CNTN3: variants seen among roughly 807,000 people sequenced by gnomAD.
CNTN3 encodes the protein contactin 3.
Under a neutral mutation model 119.1 loss-of-function variants are expected in CNTN3, and 60 were observed. The observed-to-expected ratio is 0.50, with a 90% CI of 0.41 to 0.62. The LOEUF (loss-of-function observed/expected upper bound fraction) is 0.62. CNTN3 is among the 20% of genes least tolerant of loss of function. The pLI is 0.00. For synonymous variants in CNTN3, 450 were observed against 438.7 expected, an observed-to-expected ratio of 1.03 and a Z score of -0.32; for missense variants, 1,101 against 1,242.4, an observed-to-expected ratio of 0.89 and a Z score of 1.71.
At chr3:74,541,960 G>C (rs1703848650) in intron 1 of CNTN3, among the ~76,000 whole-genome samples, 1 of 152,138 alleles carries the variant, frequency 6.6e-6, no homozygotes, top group Non-Finnish European at 1.5e-5. Flanking sequence ...TGGACTGGGT[G>C]CAGTGGCTCA....
At chr3:74,323,775 T>G (rs947533167) in intron 13 of CNTN3, among the ~76,000 whole-genome samples, 1 of 152,210 alleles carries the variant, frequency 6.6e-6, no homozygotes, top group Non-Finnish European at 1.5e-5. Context: ...CAAGATGTAC[T>G]CATGAACCTT....
intron 13 of CNTN3, among the ~76,000 whole-genome samples, chr3:74,333,750 C>T (rs1170691710): frequency 2.6e-5 from 4 of 151,584 alleles, no homozygotes; most frequent in African/African-American, 7.3e-5. Flanking sequence ...CTTTAAGTTG[C>T]ATATGATTTT....
At chr3:74,371,020 GCAT>G (rs1205357057) in intron 6 of CNTN3, among the ~76,000 whole-genome samples, 173 bp downstream of exon 6, 1 of 152,120 alleles carries the variant, frequency 6.6e-6, no homozygotes, top group East Asian at 1.9e-4. Flanking sequence ...TAAGAATTAT[GCAT>G]AAGGACTATG....
chr3:74,418,721 T>C (rs1431905733), intron 5 of CNTN3, among the ~76,000 whole-genome samples: 1 of 152,134 alleles, frequency 6.6e-6, no homozygotes, highest in East Asian at 1.9e-4. Context: ...ACACTACCTA[T>C]ACATACATTC....
At chr3:74,555,629 G>A (rs1229265058) in intron 1 of CNTN3, among the ~76,000 whole-genome samples, 2 of 152,106 alleles carry the variant, frequency 1.3e-5, no homozygotes, top group African/African-American at 4.8e-5. Context: ...CTTCTTCCTG[G>A]TTTAGTCTTG....
intron 6 of CNTN3, 130 bp from the exon 7 acceptor site, chr3:74,370,121 T>C: frequency 3.6e-6 from 2 of 555,238 alleles, no homozygotes; most frequent in South Asian, 2.7e-5. Flanking sequence ...AAATAAAATT[T>C]AGTCTATGCA....
chr3:74,471,974 GAATA>G (rs1272109087), intron 4 of CNTN3, among the ~76,000 whole-genome samples: 1 of 152,166 alleles, frequency 6.6e-6, no homozygotes, highest in African/African-American at 2.4e-5. Flanking sequence ...CCTGCTCACT[GAATA>G]AATGAATGAA....
chr3:74,573,133 C>T (rs1221891804), intron 1 of CNTN3, among the ~76,000 whole-genome samples: 1 of 152,184 alleles, frequency 6.6e-6, no homozygotes, highest in East Asian at 1.9e-4. Context: ...AGGGGACCCA[C>T]AGGAATCTAG....
intron 5 of CNTN3, among the ~76,000 whole-genome samples, chr3:74,383,497 G>GT (rs1032075225): frequency 3.3e-5 from 5 of 151,894 alleles, no homozygotes; most frequent in Non-Finnish European, 7.4e-5. Flanking sequence ...CTTTTCTTTT[G>GT]TTTTTTGAGA....
chr3:74,602,203 C>A (rs2106705285), intron 1 of CNTN3, among the ~76,000 whole-genome samples: 1 of 145,970 alleles, frequency 6.9e-6, no homozygotes, highest in East Asian at 2.1e-4. Context: ...GTAAGACGAT[C>A]ACTTGAGCCT....
At chr3:74,338,376 A>C (rs909552941) in intron 11 of CNTN3, among the ~76,000 whole-genome samples, 1 of 152,028 alleles carries the variant, frequency 6.6e-6, no homozygotes, top group South Asian at 2.1e-4. Flanking sequence ...TTTTATTTAT[A>C]TATGCATATG....
intron 22 of CNTN3, 95 bp from the exon 23 acceptor site, chr3:74,264,596 C>T: frequency 1.4e-6 from 1 of 706,882 alleles, no homozygotes. Context: ...CCCCCAAATT[C>T]TTTGTTGAAA....
chr3:74,357,204 G>A (rs1373964535), intron 11 of CNTN3, among the ~76,000 whole-genome samples: 1 of 152,048 alleles, frequency 6.6e-6, no homozygotes, highest in East Asian at 1.9e-4. Flanking sequence ...GGGATTACAG[G>A]TGTGAGCCAC....
chr3:74,462,314 G>C (rs1702385155), intron 4 of CNTN3, among the ~76,000 whole-genome samples: 1 of 151,842 alleles, frequency 6.6e-6, no homozygotes, highest in Non-Finnish European at 1.5e-5. Flanking sequence ...GTGAAATAAG[G>C]CTCAAATTCC....
chr3:74,331,005 T>G (rs573465016), intron 13 of CNTN3, among the ~76,000 whole-genome samples: 1 of 152,318 alleles, frequency 6.6e-6, no homozygotes, highest in African/African-American at 2.4e-5. Flanking sequence ...GTAAAAAAGT[T>G]ATGGTAAGCT....
At chr3:74,401,075 T>G (rs1446563132) in intron 5 of CNTN3, among the ~76,000 whole-genome samples, 1 of 152,202 alleles carries the variant, frequency 6.6e-6, no homozygotes. Flanking sequence ...TCAAGAGGGA[T>G]AAACTCGTGG....
chr3:74,296,652 C>T (rs1035339141), intron 18 of CNTN3, among the ~76,000 whole-genome samples: 3 of 152,272 alleles, frequency 2.0e-5, no homozygotes, highest in African/African-American at 7.2e-5. Flanking sequence ...TGATATATTT[C>T]GTGAGCTCAG....
At chr3:74,312,517 G>A (rs1702716373) in intron 13 of CNTN3, among the ~76,000 whole-genome samples, 1 of 150,566 alleles carries the variant, frequency 6.6e-6, no homozygotes, top group African/African-American at 2.5e-5. Flanking sequence ...TAATCTGCTG[G>A]GGTTTTCTAA....
chr3:74,321,643 C>T (rs566407879), intron 13 of CNTN3, among the ~76,000 whole-genome samples: 1 of 152,196 alleles, frequency 6.6e-6, no homozygotes, highest in East Asian at 1.9e-4. Context: ...AATCAATCAT[C>T]TCTAGCTAGG....
Sources: allele counts gnomAD v4.1 joint callset (sites outside exome capture counted in the v4.1 genomes callset), GRCh38; gene constraint gnomAD v4.1.1; transcripts MANE v1.5; gene names NCBI Gene and HGNC (gene_info 2026-07-23, HGNC 2026-07-21).